Variants in KAZN observed in about 807,000 individuals in gnomAD.
KAZN encodes the protein kazrin.
In KAZN, 40 loss-of-function variants were observed where a neutral mutation model predicts 87.4. That is an observed-to-expected ratio of 0.46 (90% CI 0.36 to 0.60). The LOEUF is 0.60. KAZN is among the 20% of genes least tolerant of loss of function. The pLI is 0.00. For synonymous variants in KAZN, 466 were observed against 458.3 expected, an observed-to-expected ratio of 1.02 and a Z score of -0.22; for missense variants, 898 against 1,073.9, an observed-to-expected ratio of 0.84 and a Z score of 2.29.
intron 2 of KAZN, among the ~76,000 whole-genome samples, chr1:14,207,059 G>A (rs1456345569): frequency 6.6e-6 from 1 of 151,746 alleles, no homozygotes; most frequent in African/African-American, 2.4e-5. Flanking sequence ...TGCCTCTCGG[G>A]TTCAAGTGAT....
At chr1:14,326,669 C>T (rs1373651772) in intron 2 of KAZN, among the ~76,000 whole-genome samples, 1 of 152,208 alleles carries the variant, frequency 6.6e-6, no homozygotes, top group Non-Finnish European at 1.5e-5. Flanking sequence ...CTCCTCTTTC[C>T]ACTCCCTGCA....
Position 13,975,826 on chromosome 1 carries a change from G to GAATT in KAZN, c.91+82073_91+82074insTAAT, listed in dbSNP as rs1277559606. ...TTGCTGAATGAATGAATGAATGAAT[G>GAATT]AATCAAAAGGAATAAATATGAGTAC... On this transcript the variant is annotated intron_variant, in intron 1 of 16. Transcript: ENST00000636203. 3.3e-5 allele frequency among the ~76,000 whole-genome samples: 5 copies of GAATT among 152,012 alleles called. 1 individual carries two copies. The East Asian group carries it at 7.7e-4, about 23-fold the overall frequency.
intron 1 of KAZN, among the ~76,000 whole-genome samples, chr1:14,694,239 C>G (rs554077272): frequency 6.6e-6 from 1 of 152,364 alleles, no homozygotes; most frequent in African/African-American, 2.4e-5. Context: ...TCAACTCAGG[C>G]AGCTCCCAGC....
intron 2 of KAZN, among the ~76,000 whole-genome samples, chr1:14,324,784 A>G (rs1345489611): frequency 6.6e-6 from 1 of 152,224 alleles, no homozygotes; most frequent in East Asian, 1.9e-4. Flanking sequence ...TTATGTAATA[A>G]TTTGTCCACT....
chr1:14,149,906 T>G (rs897487047), intron 1 of KAZN, among the ~76,000 whole-genome samples: 1 of 152,206 alleles, frequency 6.6e-6, no homozygotes, highest in African/African-American at 2.4e-5. Context: ...AAAACCGATC[T>G]CTCTAATGAT....
chr1:14,123,247 C>T (rs1353113074), intron 1 of KAZN, among the ~76,000 whole-genome samples: 1 of 152,168 alleles, frequency 6.6e-6, no homozygotes, highest in Non-Finnish European at 1.5e-5. Context: ...AAATGAAACA[C>T]ACAGAGGCAT....
At chr1:14,515,933 A>G (rs1452980251) in intron 2 of KAZN, among the ~76,000 whole-genome samples, 4 of 152,170 alleles carry the variant, frequency 2.6e-5, no homozygotes, top group Non-Finnish European at 5.9e-5. Flanking sequence ...CGTAAGCTCC[A>G]TGAGACCACA....
intron 2 of KAZN, among the ~76,000 whole-genome samples, chr1:14,224,181 G>A (rs546922494): frequency 9.2e-5 from 14 of 152,158 alleles, no homozygotes; most frequent in African/African-American, 2.6e-4. Flanking sequence ...TAGTTATTTC[G>A]GTGTAATGCC....
chr1:14,806,361 T>A (rs1475808698), intron 1 of KAZN, among the ~76,000 whole-genome samples: 1 of 152,228 alleles, frequency 6.6e-6, no homozygotes, highest in East Asian at 1.9e-4. Flanking sequence ...CCGTGTTCAT[T>A]TTTTTGACAT....
At chr1:15,042,948 G>T (rs1444798482) in intron 3 of KAZN, among the ~76,000 whole-genome samples, 1 of 152,248 alleles carries the variant, frequency 6.6e-6, no homozygotes, top group African/African-American at 2.4e-5. Context: ...GACGCCTGTT[G>T]TTCTGAAACT....
At chr1:14,042,525 G>A (rs1197259343) in intron 1 of KAZN, among the ~76,000 whole-genome samples, 1 of 152,162 alleles carries the variant, frequency 6.6e-6, no homozygotes, top group Non-Finnish European at 1.5e-5. Context: ...CCCTCTGCCA[G>A]AACTTAAATT....
chr1:14,606,154 A>G (rs957281458), intron 1 of KAZN, among the ~76,000 whole-genome samples: 1 of 152,200 alleles, frequency 6.6e-6, no homozygotes, highest in Non-Finnish European at 1.5e-5. Context: ...GGATCACTCA[A>G]CTGCCACATG....
At chr1:14,552,230 GC>G (rs929112381) in intron 2 of KAZN, among the ~76,000 whole-genome samples, 1 of 152,140 alleles carries the variant, frequency 6.6e-6, no homozygotes, top group African/African-American at 2.4e-5. Flanking sequence ...CCATCCTCCT[GC>G]CCCCTATTAA....
At chr1:14,525,841 T>A (rs1193277266) in intron 2 of KAZN, among the ~76,000 whole-genome samples, 1 of 152,224 alleles carries the variant, frequency 6.6e-6, no homozygotes, top group Non-Finnish European at 1.5e-5. Context: ...CTCAGTGCAA[T>A]CCTATGGGGA....
chr1:14,521,549 C>T lies in KAZN; in HGVS notation c.250-77434C>T, dbSNP rs184598457. On this transcript the variant is annotated intron_variant, in intron 2 of 16. Transcript: ENST00000636203. The stretch of plus-strand genomic sequence containing the variant: ...CTTGCTTTTTGAAGCTCTGGCCTAT[C>T]TTTAATTGAACCTTTTGCATGAAAT... Among the ~76,000 whole-genome samples, 14 of 152,314 alleles carry T rather than the reference C, an allele frequency of 9.2e-5. No homozygotes were observed. The East Asian group carries it at 2.7e-3, about 29-fold the overall frequency.
intron 1 of KAZN, among the ~76,000 whole-genome samples, chr1:14,798,148 A>G (rs1039292257): frequency 2.6e-5 from 4 of 152,098 alleles, no homozygotes; most frequent in Non-Finnish European, 5.9e-5. Context: ...CCGCTTACAC[A>G]GTTTTGGGTC....
chr1:14,477,469 T>G (rs568832169), intron 2 of KAZN, among the ~76,000 whole-genome samples: 1 of 149,800 alleles, frequency 6.7e-6, no homozygotes, highest in Admixed American at 6.6e-5. Context: ...TCTCTTTCTC[T>G]CTCTCTCTCT....
rs570154380 is a variant in KAZN, at chr1:14,620,858, G to C, written c.226+21635G>C. On this transcript the variant is annotated intron_variant, in intron 1 of 14. Coordinates refer to ENST00000376030, the MANE Select transcript of KAZN (RefSeq NM_201628.3). ...TGAGGATCCTCAGAGGTGACGCCTT[G>C]GAAATCTCCCAGCGGAGCCTCTTGT... Among the ~76,000 whole-genome samples the C allele has an allele frequency of 6.2e-4, 94 of 152,306 alleles. 1 individual carries two copies. Among genetic ancestry groups the C allele is most frequent in the Non-Finnish European group, 6.0e-4 (41 of 68,036 alleles).
intron 2 of KAZN, among the ~76,000 whole-genome samples, chr1:14,227,076 C>G (rs1302255216): frequency 6.6e-6 from 1 of 152,112 alleles, no homozygotes; most frequent in Admixed American, 6.5e-5. Flanking sequence ...AATAAATGTT[C>G]AGACAGAAGA....
Sources: allele counts gnomAD v4.1 joint callset (sites outside exome capture counted in the v4.1 genomes callset), GRCh38; gene constraint gnomAD v4.1.1; transcripts MANE v1.5; gene names NCBI Gene and HGNC (gene_info 2026-07-23, HGNC 2026-07-21).